The following LINGO1 variants were observed in gnomAD, a reference collection of about 807,000 sequenced individuals.
LINGO1 encodes the protein leucine rich repeat and Ig domain containing 1.
LINGO1 carries 11 observed loss-of-function variants against 37.3 expected under a neutral mutation model. The ratio of observed to expected loss-of-function variants is 0.29; its 90% CI spans 0.19 to 0.49. LINGO1 has a LOEUF of 0.49. LINGO1 is among the 20% of genes least tolerant of loss of function. The pLI is 0.99. For missense variants in LINGO1, 585 were observed against 878.2 expected (o/e 0.67, Z 4.22); for synonymous variants, 387 against 403.0 (o/e 0.96, Z 0.48).
intron 3 of LINGO1, among the ~76,000 whole-genome samples, chr15:77,655,422 C>T (rs1162340183): frequency 6.6e-6 from 1 of 152,128 alleles, no homozygotes; most frequent in Non-Finnish European, 1.5e-5. Flanking sequence ...CCCTACAATG[C>T]CACCTCCCCA....
rs563040349 is a variant in LINGO1 at position 77,777,326 on chromosome 15, A to G, written c.-257+9543T>C. On this transcript the variant is annotated intron_variant, in intron 1 of 3. Transcript: ENST00000561686. ...TTCACACGCCACAGCACAGGCGCACACACTTGCCCCTCCCATACACACACA... is the reference window on the plus strand; with the variant it reads ...TTCACACGCCACAGCACAGGCGCACGCACTTGCCCCTCCCATACACACACA... 3.3e-5 allele frequency among the ~76,000 whole-genome samples: 5 copies of G among 152,202 alleles called. No homozygotes were observed. The East Asian group carries it at 9.7e-4, about 29-fold the overall frequency.
intron 3 of LINGO1, among the ~76,000 whole-genome samples, chr15:77,656,014 C>T (rs1055784238): frequency 2.6e-5 from 4 of 152,250 alleles, no homozygotes; most frequent in Non-Finnish European, 5.9e-5. Flanking sequence ...CCTGCTGGGA[C>T]TCTGGGAGCA....
At chr15:77,615,996 C>T in intron 1 of LINGO1, 96 bp from the exon 2 acceptor site, 2 of 848,434 alleles carry the variant, frequency 2.4e-6, no homozygotes, top group Non-Finnish European at 3.5e-6. Flanking sequence ...CCTGCCCTGT[C>T]ACGATGACCC....
chr15:77,653,743 G>C (rs2074811519), intron 3 of LINGO1, among the ~76,000 whole-genome samples: 1 of 152,148 alleles, frequency 6.6e-6, no homozygotes, highest in Non-Finnish European at 1.5e-5. Flanking sequence ...CTTAGGGAGT[G>C]CCTATCAACC....
chr15:77,632,443 A>G lies in LINGO1; in HGVS notation c.-128T>C. 9.5e-7 allele frequency: 1 copy of G among 1,053,830 alleles called. No individual in the cohort carries two copies. The allele number at this position is 1,053,830 out of a possible 1,614,324, so 65.3% of individuals were successfully genotyped here. A position where few individuals can be genotyped will look rare whatever the true frequency, so the allele number is the denominator to read the frequency against. On this transcript the variant is annotated 5_prime_UTR_variant, in exon 1 of 2. Transcript: ENST00000355300. The surrounding 1 kb of genome is among the most constrained non-coding windows in gnomAD (Gnocchi z 6.0). Reference sequence around the variant, plus strand: ...TCCTCCTCCGACACCTCCGCCCGGCAGTCCGCGCGCCCTCGCGGGGCTGGC... The same window carrying G: ...TCCTCCTCCGACACCTCCGCCCGGCGGTCCGCGCGCCCTCGCGGGGCTGGC...
intron 1 of LINGO1, among the ~76,000 whole-genome samples, chr15:77,804,386 T>A (rs535652691): frequency 2.6e-5 from 4 of 152,034 alleles, no homozygotes; most frequent in South Asian, 4.2e-4. Flanking sequence ...CAAGCCAAGA[T>A]CCCTGTGTGA....
rs182517565 is a variant in LINGO1 at position 77,621,770 on chromosome 15, G to A, written c.7-5870C>T. Among the ~76,000 whole-genome samples, 44 of 152,350 alleles carry A rather than the reference G, an allele frequency of 2.9e-4. 1 individual carries two copies. The highest frequency in any genetic ancestry group is 1.0e-3 in the African/African-American group (43 of 41,584). ...CACCACACTCCTTTCCTGTGCCTGC[G>A]GCTGCTGCCTGGGCCTGAATCTCAC... On this transcript the variant is annotated intron_variant, in intron 1 of 1. Coordinates refer to ENST00000355300, the MANE Select transcript of LINGO1 (RefSeq NM_032808.7).
upstream of LINGO1, among the ~76,000 whole-genome samples, chr15:77,697,481 A>G (rs1399385494): frequency 1.3e-5 from 2 of 152,192 alleles, no homozygotes; most frequent in African/African-American, 4.8e-5. Flanking sequence ...AGGACAGGTC[A>G]GAGGCATGCT....
At chr15:77,780,712 C>T (rs1175507891) in intron 1 of LINGO1, among the ~76,000 whole-genome samples, 1 of 151,940 alleles carries the variant, frequency 6.6e-6, no homozygotes, top group East Asian at 1.9e-4. Context: ...AAGGATGGAG[C>T]CCCAATCTGA....
Position 77,615,852 on chromosome 15 carries a change from G to C in LINGO1, c.55C>G (p.Leu19Val), listed in dbSNP as rs1346131570. The C allele has an allele frequency of 3.3e-6, 5 of 1,498,630 alleles. No homozygotes were observed. The highest frequency in any genetic ancestry group is 3.5e-6 in the Non-Finnish European group (4 of 1,131,318). 92.8% of individuals were successfully genotyped at this position (1,498,630 alleles called of 1,614,324 possible). A position where few individuals can be genotyped will look rare whatever the true frequency, so the allele number is the denominator to read the frequency against. The change falls in exon 2 of 2, where the codon CTC (leucine) becomes GTC (valine). Residue 19 changes from leucine to valine, a missense_variant. Coordinates refer to ENST00000355300, the MANE Select transcript of LINGO1 (RefSeq NM_032808.7). ...AGGATGGGCTGCCAGCAGGCCAGGAGGGGGCTGGGCATGCTCCTCACGCCC... is the reference window on the plus strand; with the variant it reads ...AGGATGGGCTGCCAGCAGGCCAGGACGGGGCTGGGCATGCTCCTCACGCCC... ...AGGVRSMPSP[L>V]LACWQPILLL... is the part of the protein sequence containing the mutation.
chr15:77,745,787 C>T (rs2076308362), intron 1 of LINGO1, among the ~76,000 whole-genome samples: 1 of 152,062 alleles, frequency 6.6e-6, no homozygotes, highest in South Asian at 2.1e-4. Flanking sequence ...TATCCAGGGT[C>T]GGGCAAACTT....
intron 1 of LINGO1, among the ~76,000 whole-genome samples, chr15:77,780,311 G>A (rs1055736264): frequency 6.6e-6 from 1 of 152,172 alleles, no homozygotes; most frequent in African/African-American, 2.4e-5. Context: ...CATGGCAGGC[G>A]TGTGGGTCTG....
chr15:77,686,393 T>C (rs988504535), intron 2 of LINGO1, among the ~76,000 whole-genome samples: 1 of 152,200 alleles, frequency 6.6e-6, no homozygotes, highest in Non-Finnish European at 1.5e-5. Flanking sequence ...CAGCTCCTAC[T>C]GCAAGTTCAC....
Position 77,738,934 on chromosome 15 carries a change from C to A in LINGO1, c.-256-3881G>T, listed in dbSNP as rs577733598. 2.2e-3 allele frequency among the ~76,000 whole-genome samples: 341 copies of A among 152,398 alleles called. 1 individual carries two copies. The highest frequency in any genetic ancestry group is 0.01 in the Middle Eastern group (3 of 294). Reference sequence around the variant, plus strand: ...GGCAGGAGCCAGAGGGCATGCCCAGCAGGCAGGACACACTGCAAAGGCAGG... The same window carrying A: ...GGCAGGAGCCAGAGGGCATGCCCAGAAGGCAGGACACACTGCAAAGGCAGG... On this transcript the variant is annotated intron_variant, in intron 1 of 3. Coordinates refer to the LINGO1 transcript ENST00000561686.
Position 77,632,204 on chromosome 15 carries a change from G to A in LINGO1, c.6+106C>T, listed in dbSNP as rs1219276631. On this transcript the variant is annotated intron_variant, in intron 1 of 1. Transcript: ENST00000355300. This position sits in a 1 kb window ranked among gnomAD's most constrained non-coding sequence, Gnocchi z 6.0. ...CCAAAGGAGGTCTGGGTGGCACCGA[G>A]GTGCCCTGCAACCCCAGGAGGGCGC... is the stretch of plus-strand genomic sequence containing the variant. The A allele has an allele frequency of 6.8e-6, 8 of 1,172,732 alleles. 1 individual carries two copies. The highest frequency in any genetic ancestry group is 7.6e-6 in the Non-Finnish European group (7 of 922,398). 72.6% of individuals were successfully genotyped at this position (1,172,732 alleles called of 1,614,324 possible).
chr15:77,641,669 C>T (rs1312237625), intron 3 of LINGO1: 1 of 361,082 alleles, frequency 2.8e-6, no homozygotes, highest in Non-Finnish European at 5.5e-6. Flanking sequence ...AGGCTGAGAG[C>T]CTGACTGGCC....
intron 1 of LINGO1, among the ~76,000 whole-genome samples, chr15:77,624,646 C>G (rs548502749): frequency 6.6e-6 from 1 of 152,204 alleles, no homozygotes; most frequent in Non-Finnish European, 1.5e-5. Context: ...GAGTGAGAGT[C>G]GGGCAGGGCT....
intron 3 of LINGO1, among the ~76,000 whole-genome samples, chr15:77,668,998 C>T (rs376538849): frequency 2.6e-5 from 4 of 152,240 alleles, no homozygotes; most frequent in South Asian, 2.1e-4. Flanking sequence ...CAAAGCCCAG[C>T]GTGGCCTGAA....
intron 1 of LINGO1, among the ~76,000 whole-genome samples, chr15:77,796,452 A>C (rs1204494144): frequency 6.6e-6 from 1 of 152,190 alleles, no homozygotes; most frequent in Non-Finnish European, 1.5e-5. Flanking sequence ...CACTTCTCTT[A>C]TCCATAAAAG....
Sources: allele counts gnomAD v4.1 joint callset (sites outside exome capture counted in the v4.1 genomes callset), GRCh38; gene constraint gnomAD v4.1.1; non-coding constraint Gnocchi (gnomAD v3.1); transcripts MANE v1.5; gene names NCBI Gene and HGNC (gene_info 2026-07-23, HGNC 2026-07-21).